The following TRIM24 variants were observed in gnomAD, a reference collection of about 807,000 sequenced individuals.
TRIM24 encodes tripartite motif containing 24, also known as transcription intermediary factor 1-alpha.
Under a neutral mutation model 123.9 loss-of-function variants are expected in TRIM24, and 29 were observed. The observed-to-expected ratio is 0.23, with a 90% CI of 0.17 to 0.32. The LOEUF (loss-of-function observed/expected upper bound fraction) is 0.32, where lower values mean the gene tolerates loss of function less well. Among genes scored for constraint, TRIM24 ranks in the 10% least tolerant of loss-of-function variants. The pLI is 1.00. For missense variants in TRIM24, 932 were observed against 1,295.3 expected (o/e 0.72, Z 4.31); for synonymous variants, 456 against 461.1 (o/e 0.99, Z 0.14).
chr7:138,580,518 G>GAA, intron 15 of TRIM24, 44 bp from the exon 16 acceptor site: 1 of 1,583,788 alleles, frequency 6.3e-7, no homozygotes, highest in Non-Finnish European at 8.6e-7. Context: ...GTGAAGAGAG[G>GAA]AAATGATGCA....
chr7:138,482,846 T>C (rs1387475747), intron 1 of TRIM24, among the ~76,000 whole-genome samples: 2 of 152,166 alleles, frequency 1.3e-5, no homozygotes, highest in Non-Finnish European at 2.9e-5. Flanking sequence ...CAAGTGATCC[T>C]CTCACTTTGG....
At chr7:138,577,917 ACTCATT>A (rs1230295061) in intron 14 of TRIM24, among the ~76,000 whole-genome samples, 1 of 152,162 alleles carries the variant, frequency 6.6e-6, no homozygotes, top group Non-Finnish European at 1.5e-5. Flanking sequence ...ATTCTTATGT[ACTCATT>A]CTCAGGAAGA....
intron 9 of TRIM24, chr7:138,556,451 G>A (rs1797318462): frequency 1.3e-5 from 2 of 152,136 alleles, no homozygotes; most frequent in South Asian, 4.1e-4. Flanking sequence ...AAAGAGGATA[G>A]GACTGTACTT....
At chr7:138,558,894 C>T (rs536720430) in intron 9 of TRIM24, among the ~76,000 whole-genome samples, 2 of 152,292 alleles carry the variant, frequency 1.3e-5, no homozygotes, top group African/African-American at 2.4e-5. Flanking sequence ...GCAGCTCCAG[C>T]GGGCTATTAA....
intron 1 of TRIM24, among the ~76,000 whole-genome samples, chr7:138,487,394 A>G (rs950918914): frequency 3.3e-5 from 5 of 152,206 alleles, no homozygotes; most frequent in Admixed American, 6.5e-5. Flanking sequence ...GAGTGGTGAG[A>G]GAGGGCATCC....
intron 9 of TRIM24, among the ~76,000 whole-genome samples, chr7:138,560,758 A>G (rs1349818255): frequency 6.6e-6 from 1 of 152,208 alleles, no homozygotes; most frequent in Non-Finnish European, 1.5e-5. Context: ...ATCGTTCTTC[A>G]ATGTAATGTC....
Position 138,460,568 on chromosome 7 carries a change from A to AGGCGGTGGC in TRIM24, c.26_34dup (p.Val9_Ala11dup). On this transcript the variant is annotated inframe_insertion, in exon 1 of 19. Transcript: ENST00000343526. The stretch of plus-strand genomic sequence containing the variant: ...AGGACAATGGAGGTGGCGGTGGAGA[A>AGGCGGTGGC]GGCGGTGGCGGCGGCGGCAGCGGCC... The AGGCGGTGGC allele has an allele frequency of 7.6e-7, 1 of 1,310,880 alleles. No individual in the cohort carries two copies. The highest frequency in any genetic ancestry group is 9.6e-7 in the Non-Finnish European group (1 of 1,040,352). The allele number at this position is 1,310,880 out of a possible 1,614,324, so 81.2% of individuals were successfully genotyped here. A position where few individuals can be genotyped will look rare whatever the true frequency, so the allele number is the denominator to read the frequency against.
chr7:138,567,610 A>T lies in TRIM24; in HGVS notation c.1660A>T (p.Asn554Tyr), dbSNP rs1258568434. Residue 554 changes from asparagine (N) to tyrosine (Y), a missense_variant, in exon 10 of 19, where the codon AAC (asparagine) becomes TAC (tyrosine). Around this residue, in one of 7 missense-constraint regions of TRIM24, gnomAD observed 527 missense variants for 691.3 expected, o/e 0.76. Coordinates refer to ENST00000343526, the MANE Select transcript of TRIM24 (RefSeq NM_015905.3). ...CATACCACGACAAGCAATAAAGCCA[A>T]ACCCCCTACAGATGGCTTTCTTGGC... Reference protein sequence around the residue: ...QNIPRQAIKPNPLQMAFLAQQ... With the variant: ...QNIPRQAIKPYPLQMAFLAQQ... The T allele has an allele frequency of 3.1e-6, 5 of 1,613,460 alleles. No individual in the cohort carries two copies. Among genetic ancestry groups the T allele is most frequent in the Non-Finnish European group, 4.2e-6 (5 of 1,179,820 alleles).
chr7:138,508,694 C>CGT (rs1554436629), intron 2 of TRIM24, among the ~76,000 whole-genome samples: 5 of 30,628 alleles, frequency 1.6e-4, no homozygotes, highest in Admixed American at 3.5e-4. Flanking sequence ...TGTGTGTGTG[C>CGT]GCGCGCGTGT....
chr7:138,532,734 C>T (rs1796774426), intron 6 of TRIM24, among the ~76,000 whole-genome samples: 1 of 152,074 alleles, frequency 6.6e-6, no homozygotes, highest in Non-Finnish European at 1.5e-5. Context: ...AAATAGTTTT[C>T]TCCAATTCTG....
rs1275306126 is a variant in TRIM24, at chr7:138,589,351, AAACT to A, written c.*4405_*4408del. On this transcript the variant is annotated 3_prime_UTR_variant, in exon 19 of 19. Coordinates refer to ENST00000343526, the MANE Select transcript of TRIM24 (RefSeq NM_015905.3). The stretch of plus-strand genomic sequence containing the variant: ...CAGATTGGTGCTTTGGTTTTAATAA[AAACT>A]AACTTTGATGGATTTTTACTGTCAA... 3.3e-5 allele frequency: 5 copies of A among 152,142 alleles called. No individual in the cohort carries two copies. The highest frequency in any genetic ancestry group is 1.2e-4 in the African/African-American group (5 of 41,422). The allele number at this position is 152,142 out of a possible 1,614,324, so 9.4% of individuals were successfully genotyped here. A position where few individuals can be genotyped will look rare whatever the true frequency, so the allele number is the denominator to read the frequency against.
chr7:138,496,670 G>T (rs1265791487), intron 1 of TRIM24, among the ~76,000 whole-genome samples: 1 of 151,314 alleles, frequency 6.6e-6, no homozygotes, highest in African/African-American at 2.4e-5. Flanking sequence ...TTTTTTAATT[G>T]TATTTTCTTT....
At chr7:138,490,904 A>C in intron 1 of TRIM24, 1 of 416,656 alleles carries the variant, frequency 2.4e-6, no homozygotes, top group South Asian at 1.9e-5. Context: ...GGTGCAGAGC[A>C]TAAGAGATCT....
chr7:138,504,444 G>GTTTTTTTTTTTTTTTTTTTTTTTT lies in TRIM24; in HGVS notation c.483+36_483+37insTTTTTTTTTTTTTTTTTTTTTTTT. On this transcript the variant is annotated intron_variant, in intron 2 of 18. Coordinates refer to ENST00000343526, the MANE Select transcript of TRIM24 (RefSeq NM_015905.3). ...TACATCTTGAACCTTTTGCCTGCCA[G>GTTTTTTTTTTTTTTTTTTTTTTTT]CTCTTTTTTTTTTTTTTTTTTTTTT... is the stretch of plus-strand genomic sequence containing the variant. 3.3e-6 allele frequency: 2 copies of GTTTTTTTTTTTTTTTTTTTTTTTT among 603,602 alleles called. 1 individual carries two copies. The allele number at this position is 603,602 out of a possible 1,614,324, so 37.4% of individuals were successfully genotyped here.
chr7:138,504,463 T>G (rs1309535821), intron 2 of TRIM24, 55 bp downstream of exon 2: 11 of 1,197,042 alleles, frequency 9.2e-6, no homozygotes, highest in Admixed American at 2.8e-5. Context: ...TTTTTTTTTT[T>G]TTTTTTTTTT....
At chr7:138,575,459 A>ATT (rs34375724) in intron 12 of TRIM24, among the ~76,000 whole-genome samples, 2,858 of 127,192 alleles carry the variant, frequency 0.022, 104 homozygotes, top group African/African-American at 0.078. Flanking sequence ...GGCCTGGCTA[A>ATT]TTTTTTTTTT....
At chr7:138,536,505 T>TGGGTCTG in intron 6 of TRIM24, among the ~76,000 whole-genome samples, 1 of 152,264 alleles carries the variant, frequency 6.6e-6, no homozygotes, top group South Asian at 2.1e-4. Flanking sequence ...TGCCTGGGTA[T>TGGGTCTG]CAGCATTGGA....
At chr7:138,541,525 G>A (rs1044120661) in intron 7 of TRIM24, among the ~76,000 whole-genome samples, 1 of 152,176 alleles carries the variant, frequency 6.6e-6, no homozygotes, top group East Asian at 1.9e-4. Flanking sequence ...AAGTAGATGT[G>A]CTGTAATCCC....
intron 1 of TRIM24, among the ~76,000 whole-genome samples, chr7:138,467,023 T>A (rs1049651108): frequency 3.3e-5 from 5 of 152,224 alleles, no homozygotes; most frequent in Admixed American, 6.5e-5. Flanking sequence ...CACCATTTAT[T>A]AAAGACAGTA....
Sources: gnomAD v4.1 joint callset for allele counts (sites outside exome capture counted in the v4.1 genomes callset) on GRCh38, gnomAD v4.1.1 for gene constraint, gnomAD v4.1.1 regional missense constraint, MANE v1.5 for transcripts, NCBI Gene and HGNC (gene_info 2026-07-23, HGNC 2026-07-21) for gene names.